DCBLD2: variants seen among roughly 807,000 people sequenced by gnomAD.
DCBLD2 encodes discoidin, CUB and LCCL domain-containing protein 2.
A neutral mutation model predicts 86.8 loss-of-function variants in DCBLD2; 54 were observed. The ratio of observed to expected loss-of-function variants is 0.62; its 90% CI spans 0.50 to 0.78. DCBLD2 has a LOEUF of 0.78. Ranked by LOEUF, DCBLD2 falls within the 30% of genes least tolerant of loss-of-function variation. The pLI is 0.00. For synonymous variants in DCBLD2, 354 were observed against 341.3 expected (o/e 1.04, Z -0.41); for missense variants, 908 against 954.2 (o/e 0.95, Z 0.64).
At chr3:98,846,296 A>T (rs967581416) in intron 3 of DCBLD2, among the ~76,000 whole-genome samples, 5 of 152,184 alleles carry the variant, frequency 3.3e-5, no homozygotes, top group African/African-American at 1.2e-4. Context: ...CAAATACTCT[A>T]AATCTTCAAC....
At chr3:98,849,257 G>A in intron 3 of DCBLD2, 2 of 587,794 alleles carry the variant, frequency 3.4e-6, no homozygotes, top group Non-Finnish European at 5.9e-6. Flanking sequence ...CTTTACTAAG[G>A]AAAGGGAAGT....
intron 2 of DCBLD2, among the ~76,000 whole-genome samples, chr3:98,860,269 G>A (rs1043930857): frequency 6.6e-6 from 1 of 152,126 alleles, no homozygotes; most frequent in Non-Finnish European, 1.5e-5. Context: ...GAAAGTGATG[G>A]GGAGAATGGA....
chr3:98,880,240 T>A (rs1943441425), intron 2 of DCBLD2, among the ~76,000 whole-genome samples: 1 of 152,144 alleles, frequency 6.6e-6, no homozygotes. Context: ...AGATGAAGGA[T>A]TTCACTAGAG....
chr3:98,865,230 G>T (rs989152159), intron 2 of DCBLD2, among the ~76,000 whole-genome samples: 1 of 152,016 alleles, frequency 6.6e-6, no homozygotes. Flanking sequence ...ATCAGTAGAT[G>T]AATGGATAAA....
At chr3:98,863,084 A>G (rs995985299) in intron 2 of DCBLD2, among the ~76,000 whole-genome samples, 9 of 152,340 alleles carry the variant, frequency 5.9e-5, no homozygotes, top group African/African-American at 1.4e-4. Context: ...ATAACAGACA[A>G]ACAGAGAGCC....
chr3:98,814,153 G>A (rs1229023419), intron 9 of DCBLD2: 7 of 151,916 alleles, frequency 4.6e-5, no homozygotes, highest in African/African-American at 1.7e-4. Context: ...TAATTCACTT[G>A]GCATTAGACT....
intron 3 of DCBLD2, among the ~76,000 whole-genome samples, chr3:98,833,601 T>C (rs1448073031): frequency 6.6e-6 from 1 of 152,152 alleles, no homozygotes; most frequent in Non-Finnish European, 1.5e-5. Flanking sequence ...CTAATTGAAG[T>C]GGTCAGGTGG....
At position 98,808,100 on chromosome 3, in the gene DCBLD2, C is replaced by T. The variant is rs777072457; in HGVS notation, c.1651G>A (p.Ala551Thr). The change falls in exon 13 of 16, where the codon GCT becomes ACT. Residue 551 changes from alanine to threonine, a missense_variant. Around this residue, in one of 3 missense-constraint regions of DCBLD2, gnomAD observed 606 missense variants for 678.5 expected, o/e 0.89. Transcript: ENST00000326840. ...LTTLILILVC[A>T]WHWRNRKKKT... ...ACTAACCTGTTTCTCCAGTGCCAAGCACACACTAATATGAGAATGAGAGTA... is the reference window on the plus strand; with the variant it reads ...ACTAACCTGTTTCTCCAGTGCCAAGTACACACTAATATGAGAATGAGAGTA... 4 of 1,602,684 alleles carry T rather than the reference C, an allele frequency of 2.5e-6. No homozygotes were observed. Among genetic ancestry groups the T allele is most frequent in the Non-Finnish European group, 3.4e-6 (4 of 1,174,838 alleles).
At chr3:98,858,254 C>T (rs1386138912) in intron 2 of DCBLD2, among the ~76,000 whole-genome samples, 8 of 152,248 alleles carry the variant, frequency 5.3e-5, no homozygotes, top group South Asian at 2.1e-4. Flanking sequence ...ACCCAGAACT[C>T]GCACTGGCCC....
chr3:98,824,457 G>A (rs9867586), intron 4 of DCBLD2, among the ~76,000 whole-genome samples: 4 of 151,784 alleles, frequency 2.6e-5, no homozygotes, highest in Non-Finnish European at 4.4e-5. Flanking sequence ...CCCAGCTAAC[G>A]TCCCCCTCAA....
Position 98,901,279 on chromosome 3 carries a change from G to T in DCBLD2, c.48C>A (p.Pro16=), listed in dbSNP as rs773237514. The T allele has an allele frequency of 8.5e-6, 13 of 1,528,238 alleles. No individual in the cohort carries two copies. The highest frequency in any genetic ancestry group is 1.4e-5 in the African/African-American group (1 of 72,578). 94.7% of individuals were successfully genotyped at this position (1,528,238 alleles called of 1,614,324 possible). A position where few individuals can be genotyped will look rare whatever the true frequency, so the allele number is the denominator to read the frequency against. The change falls in exon 1 of 16, where the codon CCC becomes CCA. Residue 16 remains proline, a synonymous_variant. Coordinates refer to ENST00000326840, the MANE Select transcript of DCBLD2 (RefSeq NM_080927.4). ...VVRARRCPQC[P]QVRAAAAAPA... ...GGGCGGCGGCCGCGGCCCGGACTTG[G>T]GGACACTGCGGGCAGCGCCTGGCTC...
Position 98,859,094 on chromosome 3 carries a change from C to T in DCBLD2, c.434-9496G>A, listed in dbSNP as rs7645321. ...AGGAGATTACATCCCACGCCTGGCT[C>T]GGAGGGTCCTACGCCAACGGAGGCT... On this transcript the variant is annotated intron_variant, in intron 2 of 15. Transcript: ENST00000326840. Among the ~76,000 whole-genome samples, 1,366 of 152,264 alleles carry T rather than the reference C, an allele frequency of 9.0e-3. 18 individuals carry two copies. Among genetic ancestry groups the T allele is most frequent in the African/African-American group, 0.032 (1,312 of 41,532 alleles).
intron 1 of DCBLD2, among the ~76,000 whole-genome samples, chr3:98,893,977 T>C (rs1267050570): frequency 6.6e-6 from 1 of 152,182 alleles, no homozygotes; most frequent in Non-Finnish European, 1.5e-5. Context: ...GATGACCACA[T>C]GACTTAATCT....
At chr3:98,893,196 T>C (rs773606067) in intron 1 of DCBLD2, among the ~76,000 whole-genome samples, 31 of 152,236 alleles carry the variant, frequency 2.0e-4, no homozygotes, top group Non-Finnish European at 4.1e-4. Flanking sequence ...GATTCATTCA[T>C]TGAACAAAAA....
At chr3:98,875,435 A>G (rs1013152448) in intron 2 of DCBLD2, among the ~76,000 whole-genome samples, 2 of 152,184 alleles carry the variant, frequency 1.3e-5, no homozygotes, top group South Asian at 4.1e-4. Flanking sequence ...AGGAGAAAAA[A>G]AAAGAGCTCT....
chr3:98,826,312 C>T (rs539878430), intron 3 of DCBLD2, among the ~76,000 whole-genome samples: 1 of 152,328 alleles, frequency 6.6e-6, no homozygotes, highest in East Asian at 1.9e-4. Context: ...CCTGCCTTGG[C>T]TTCTCGCCGC....
At chr3:98,877,303 T>G (rs2107518331) in intron 2 of DCBLD2, among the ~76,000 whole-genome samples, 1 of 152,288 alleles carries the variant, frequency 6.6e-6, no homozygotes, top group South Asian at 2.1e-4. Flanking sequence ...GCCTAAAGAA[T>G]TTTTTAATGT....
chr3:98,855,222 T>C (rs1323203982), intron 2 of DCBLD2, among the ~76,000 whole-genome samples: 1 of 152,144 alleles, frequency 6.6e-6, no homozygotes, highest in East Asian at 1.9e-4. Flanking sequence ...AAATGGATAA[T>C]AAATGTATGA....
intron 2 of DCBLD2, among the ~76,000 whole-genome samples, chr3:98,871,898 T>C (rs1476763309): frequency 6.6e-6 from 1 of 152,200 alleles, no homozygotes; most frequent in Admixed American, 6.5e-5. Flanking sequence ...TGAATCCATC[T>C]GGTCCTGGGC....
Sources: gnomAD v4.1 joint callset for allele counts (sites outside exome capture counted in the v4.1 genomes callset) on GRCh38, gnomAD v4.1.1 for gene constraint, gnomAD v4.1.1 regional missense constraint, MANE v1.5 for transcripts, NCBI Gene and HGNC (gene_info 2026-07-23, HGNC 2026-07-21) for gene names.